TSPAN5: variants seen among roughly 807,000 people sequenced by gnomAD.
TSPAN5 encodes the protein tetraspanin-5.
A neutral mutation model predicts 37.1 loss-of-function variants in TSPAN5; 10 were observed. The ratio of observed to expected loss-of-function variants is 0.27; its 90% CI spans 0.17 to 0.46. The LOEUF (loss-of-function observed/expected upper bound fraction) is 0.46, where lower values mean the gene tolerates loss of function less well. TSPAN5 is among the 20% of genes least tolerant of loss of function. The pLI, the probability that TSPAN5 is intolerant of heterozygous loss-of-function variation, is 1.00. For missense variants in TSPAN5, 195 were observed against 326.6 expected (o/e 0.60, Z 3.11); for synonymous variants, 110 against 118.9 (o/e 0.93, Z 0.48).
At chr4:98,502,659 A>G (rs1753379861) in intron 2 of TSPAN5, among the ~76,000 whole-genome samples, 1 of 152,164 alleles carries the variant, frequency 6.6e-6, no homozygotes, top group African/African-American at 2.4e-5. Flanking sequence ...AAAGTGAAAG[A>G]TACCATCTAT....
At chr4:98,651,384 C>A (rs1038963978) in intron 1 of TSPAN5, among the ~76,000 whole-genome samples, 8 of 152,202 alleles carry the variant, frequency 5.3e-5, no homozygotes, top group African/African-American at 1.9e-4. Flanking sequence ...GACCTGAATT[C>A]TTTTGCTTTA....
At chr4:98,492,058 A>G (rs1753097723) in intron 2 of TSPAN5, among the ~76,000 whole-genome samples, 2 of 152,118 alleles carry the variant, frequency 1.3e-5, no homozygotes, top group Admixed American at 1.3e-4. Flanking sequence ...TTCTGGGAAC[A>G]GCACCACCTC....
chr4:98,576,953 G>A (rs1755252443), intron 1 of TSPAN5, among the ~76,000 whole-genome samples: 1 of 152,024 alleles, frequency 6.6e-6, no homozygotes, highest in African/African-American at 2.4e-5. Context: ...TAGAAATGGG[G>A]TTTTGCCATG....
rs566142785 is a variant in TSPAN5 at position 98,510,524 on chromosome 4, T to C, written c.82-2796A>G. Among the ~76,000 whole-genome samples the C allele has an allele frequency of 5.9e-5, 9 of 152,338 alleles. No homozygotes were observed. The South Asian group carries it at 1.9e-3, about 32-fold the overall frequency. ...AGAGAAATTCAATGGTGGGTCCACA[T>C]TCTCCTTTTTAAATAAAGTTTTCGT... On this transcript the variant is annotated intron_variant, in intron 1 of 7. Coordinates refer to ENST00000305798, the MANE Select transcript of TSPAN5 (RefSeq NM_005723.4).
At chr4:98,514,950 C>T (rs942141468) in intron 1 of TSPAN5, among the ~76,000 whole-genome samples, 7 of 152,106 alleles carry the variant, frequency 4.6e-5, no homozygotes, top group Non-Finnish European at 8.8e-5. Context: ...AGATCAGTGT[C>T]ACGGGCTTGT....
intron 2 of TSPAN5, among the ~76,000 whole-genome samples, chr4:98,495,116 C>T (rs760863808): frequency 1.3e-5 from 2 of 152,204 alleles, no homozygotes; most frequent in Non-Finnish European, 2.9e-5. Context: ...CTGACTGGCA[C>T]ACTGGTTGTC....
intron 2 of TSPAN5, among the ~76,000 whole-genome samples, chr4:98,492,299 CA>C (rs1753101459): frequency 1.3e-5 from 2 of 152,116 alleles, no homozygotes; most frequent in African/African-American, 4.8e-5. Context: ...AGTCAGACAG[CA>C]GTGAGAAGCA....
chr4:98,599,009 T>C (rs1755822237), intron 1 of TSPAN5, among the ~76,000 whole-genome samples: 1 of 152,144 alleles, frequency 6.6e-6, no homozygotes, highest in South Asian at 2.1e-4. Flanking sequence ...TCAAAAAATC[T>C]CCAAGAGCTT....
chr4:98,549,008 G>A (rs1754538844), intron 1 of TSPAN5, among the ~76,000 whole-genome samples: 1 of 152,058 alleles, frequency 6.6e-6, no homozygotes, highest in African/African-American at 2.4e-5. Flanking sequence ...GCAGTGTGGT[G>A]AACATATGAC....
intron 4 of TSPAN5, 26 bp downstream of exon 4, chr4:98,481,979 T>C (rs184407980): frequency 1.1e-5 from 18 of 1,610,704 alleles, no homozygotes; most frequent in Non-Finnish European, 1.4e-5. Flanking sequence ...AACTTTCAAC[T>C]TGAAAACAAA....
intron 1 of TSPAN5, among the ~76,000 whole-genome samples, chr4:98,555,722 A>G (rs920242472): frequency 3.9e-5 from 6 of 152,210 alleles, no homozygotes; most frequent in African/African-American, 1.4e-4. Flanking sequence ...ACAAGTAGTT[A>G]AAAATTAAAA....
At chr4:98,602,772 C>T (rs563891018) in intron 1 of TSPAN5, among the ~76,000 whole-genome samples, 10 of 152,162 alleles carry the variant, frequency 6.6e-5, no homozygotes, top group African/African-American at 2.4e-4. Context: ...ACTGGTAACC[C>T]CTTTAAATGA....
At chr4:98,624,785 C>T (rs540733100) in intron 1 of TSPAN5, among the ~76,000 whole-genome samples, 1 of 152,278 alleles carries the variant, frequency 6.6e-6, no homozygotes, top group Non-Finnish European at 1.5e-5. Context: ...CAACATACTT[C>T]CCTGAAGCAA....
At chr4:98,607,027 G>C (rs1318327263) in intron 1 of TSPAN5, among the ~76,000 whole-genome samples, 1 of 152,050 alleles carries the variant, frequency 6.6e-6, no homozygotes, top group East Asian at 1.9e-4. Context: ...GGCAGTTGGG[G>C]GAAGGGAGCA....
chr4:98,545,762 C>T (rs1754454723), intron 1 of TSPAN5, among the ~76,000 whole-genome samples: 1 of 152,140 alleles, frequency 6.6e-6, no homozygotes, highest in Admixed American at 6.5e-5. Flanking sequence ...GAACTCCTGG[C>T]CTCAAGCGAT....
intron 1 of TSPAN5, among the ~76,000 whole-genome samples, chr4:98,558,464 C>T (rs916879065): frequency 6.6e-6 from 1 of 152,100 alleles, no homozygotes; most frequent in Non-Finnish European, 1.5e-5. Flanking sequence ...AAAGTTGCAG[C>T]GAAGGGAGGG....
intron 1 of TSPAN5, among the ~76,000 whole-genome samples, chr4:98,528,374 C>G (rs1754008903): frequency 6.7e-6 from 1 of 149,866 alleles, no homozygotes; most frequent in South Asian, 2.1e-4. Flanking sequence ...ATCAAACCAA[C>G]AGAACTGAAA....
chr4:98,523,810 AT>A (rs2110120418), intron 1 of TSPAN5, among the ~76,000 whole-genome samples: 1 of 152,350 alleles, frequency 6.6e-6, no homozygotes, highest in African/African-American at 2.4e-5. Flanking sequence ...GACCATACAA[AT>A]TATAAATAGT....
intron 1 of TSPAN5, among the ~76,000 whole-genome samples, chr4:98,598,922 GTTAT>G (rs953407722): frequency 2.6e-5 from 4 of 152,158 alleles, no homozygotes; most frequent in African/African-American, 9.7e-5. Flanking sequence ...CTGTTCTGTT[GTTAT>G]TTATACTCCT....
Sources: gnomAD v4.1 joint callset for allele counts (sites outside exome capture counted in the v4.1 genomes callset) on GRCh38, gnomAD v4.1.1 for gene constraint, MANE v1.5 for transcripts, NCBI Gene and HGNC (gene_info 2026-07-23, HGNC 2026-07-21) for gene names.